Variants in NXPE2 observed in about 807,000 individuals in gnomAD.
NXPE2 encodes the protein neurexophilin and PC-esterase domain family member 2, also known as NXPE family member 2.
In NXPE2, 34 loss-of-function variants were observed where a neutral mutation model predicts 34.4. That is an observed-to-expected ratio of 0.99 (90% CI 0.75 to 1.31). NXPE2 has a LOEUF of 1.31. Ranked by LOEUF, NXPE2 falls within the 40% of genes most tolerant of loss-of-function variation. The probability of loss-of-function intolerance (pLI) is 0.00; values close to 1 mark genes in which losing one functional copy is unlikely to be tolerated. For missense variants in NXPE2, 649 were observed against 672.5 expected (o/e 0.97, Z 0.39); for synonymous variants, 235 against 231.3 (o/e 1.02, Z -0.15).
At chr11:114,584,445 G>C in the NXPE2 span, 3 of 217,358 alleles carry the variant, frequency 1.4e-5, no homozygotes, top group South Asian at 1.9e-4. Context: ...CGATGAGAAT[G>C]AAGAAGACCC....
the NXPE2 span, among the ~76,000 whole-genome samples, chr11:114,649,988 G>A: frequency 6.6e-6 from 1 of 152,118 alleles, no homozygotes; most frequent in Non-Finnish European, 1.5e-5. Flanking sequence ...ATCCCATAGA[G>A]TTCTATTTTA....
chr11:114,725,048 A>G, the NXPE2 span, among the ~76,000 whole-genome samples: 1 of 151,944 alleles, frequency 6.6e-6, no homozygotes, highest in Admixed American at 6.6e-5. Context: ...GGTTCATAAA[A>G]GTATATTGCC....
the NXPE2 span, among the ~76,000 whole-genome samples, chr11:114,719,207 T>A: frequency 6.6e-6 from 1 of 152,118 alleles, no homozygotes; most frequent in Non-Finnish European, 1.5e-5. Context: ...ACATGTGAGA[T>A]AAATAATAAT....
At chr11:114,627,670 T>C in the NXPE2 span, among the ~76,000 whole-genome samples, 2 of 151,760 alleles carry the variant, frequency 1.3e-5, no homozygotes, top group South Asian at 2.1e-4. Flanking sequence ...CACATAACAA[T>C]ATTAACTTTA....
chr11:114,582,650 AGTCACCTTTCCTGAAGCACC>A, the NXPE2 span: 1 of 1,614,160 alleles, frequency 6.2e-7, no homozygotes, highest in Non-Finnish European at 8.5e-7. Flanking sequence ...TGTTGAAGTC[AGTCACCTTTCCTGAAGCACC>A]TGCCATCAGC....
the NXPE2 span, chr11:114,527,986 AT>A: frequency 1.0e-6 from 1 of 997,110 alleles, no homozygotes; most frequent in Non-Finnish European, 1.5e-6. Flanking sequence ...GTGAAGGAAA[AT>A]TTTTAGTTTT....
chr11:114,602,813 T>G, the NXPE2 span, among the ~76,000 whole-genome samples: 1 of 139,580 alleles, frequency 7.2e-6, no homozygotes, highest in Non-Finnish European at 1.5e-5. Flanking sequence ...AATTACAGAA[T>G]CATATATAAT....
the NXPE2 span, among the ~76,000 whole-genome samples, chr11:114,525,156 G>A: frequency 6.6e-6 from 1 of 151,788 alleles, no homozygotes; most frequent in Non-Finnish European, 1.5e-5. Context: ...CATAAACATG[G>A]CTTCTGCTTG....
the NXPE2 span, among the ~76,000 whole-genome samples, chr11:114,606,740 C>T: frequency 1.1e-4 from 17 of 151,130 alleles, no homozygotes; most frequent in Non-Finnish European, 2.2e-4. Flanking sequence ...CTGCTACCTG[C>T]TGGATAATAA....
At chr11:114,618,756 C>G in the NXPE2 span, among the ~76,000 whole-genome samples, 1 of 151,966 alleles carries the variant, frequency 6.6e-6, no homozygotes, top group Non-Finnish European at 1.5e-5. Context: ...TCGTGCGTAG[C>G]CACTGTTATC....
chr11:114,642,528 G>A, the NXPE2 span, among the ~76,000 whole-genome samples: 1 of 151,606 alleles, frequency 6.6e-6, no homozygotes, highest in East Asian at 1.9e-4. Context: ...GCAGTATTTG[G>A]TTTGTGTTAG....
chr11:114,736,290 G>A, the NXPE2 span, among the ~76,000 whole-genome samples: 2 of 152,160 alleles, frequency 1.3e-5, no homozygotes, highest in Non-Finnish European at 2.9e-5. Context: ...GGAGCACTAT[G>A]GGAGACTGGG....
chr11:114,586,514 CAG>C, the NXPE2 span, among the ~76,000 whole-genome samples: 2 of 152,210 alleles, frequency 1.3e-5, no homozygotes, highest in Non-Finnish European at 2.9e-5. Context: ...TTACAAGACT[CAG>C]GGGACAGGCT....
chr11:114,788,151 C>T, the NXPE2 span, among the ~76,000 whole-genome samples: 3 of 152,206 alleles, frequency 2.0e-5, no homozygotes, highest in Non-Finnish European at 4.4e-5. Context: ...CCCATGGAAG[C>T]ATCAATAACA....
chr11:114,763,122 T>G, the NXPE2 span, among the ~76,000 whole-genome samples: 1 of 152,166 alleles, frequency 6.6e-6, no homozygotes, highest in South Asian at 2.1e-4. Context: ...CATAAACTTG[T>G]CTGTGTCATA....
chr11:114,762,153 C>G, the NXPE2 span, among the ~76,000 whole-genome samples: 1 of 152,050 alleles, frequency 6.6e-6, no homozygotes, highest in Admixed American at 6.5e-5. Flanking sequence ...AGAGGTGACT[C>G]TTGAGGAAGA....
At chr11:114,739,830 T>C in the NXPE2 span, among the ~76,000 whole-genome samples, 1 of 152,206 alleles carries the variant, frequency 6.6e-6, no homozygotes, top group African/African-American at 2.4e-5. Context: ...AGTGAGATCA[T>C]TCAGTATTTG....
rs1951305896 is a variant in NXPE2 at position 114,698,569 on chromosome 11, G to GT, written c.660dup (p.Ala221CysfsTer10). The GT allele has an allele frequency of 6.2e-7, 1 of 1,614,180 alleles. No homozygotes were observed. The highest frequency in any genetic ancestry group is 1.3e-5 in the African/African-American group (1 of 75,052). The stretch of plus-strand genomic sequence containing the variant: ...GTGATAGGATCATCTTCACTGGCCT[G>GT]TTTGCCAACAGAAGCTCCAATGTCT... On this transcript the variant is annotated frameshift_variant, in exon 3 of 6. Transcript: ENST00000389586. LOFTEE classifies it high-confidence loss of function.
At chr11:114,538,591 C>G in the NXPE2 span, among the ~76,000 whole-genome samples, 6 of 152,114 alleles carry the variant, frequency 3.9e-5, no homozygotes, top group African/African-American at 2.4e-5. Context: ...AAGAAAAAAA[C>G]AAACAACCCC....
Sources: gnomAD v4.1 joint callset for allele counts (sites outside exome capture counted in the v4.1 genomes callset) on GRCh38, gnomAD v4.1.1 for gene constraint, MANE v1.5 for transcripts, NCBI Gene and HGNC (gene_info 2026-07-23, HGNC 2026-07-21) for gene names.